Variants in SGCD observed in about 807,000 individuals in gnomAD.
SGCD encodes the protein delta-sarcoglycan.
In SGCD, 18 loss-of-function variants were observed where a neutral mutation model predicts 36.6. The observed-to-expected ratio is 0.49, with a 90% confidence interval of 0.34 to 0.73. The LOEUF (loss-of-function observed/expected upper bound fraction) is 0.73, where lower values mean the gene tolerates loss of function less well. SGCD is among the 30% of genes least tolerant of loss of function. The pLI is 0.01. For missense variants in SGCD, 387 were observed against 346.7 expected, an observed-to-expected ratio of 1.12 and a Z score of -0.92; for synonymous variants, 133 against 130.6, an observed-to-expected ratio of 1.02 and a Z score of -0.12.
At chr5:156,147,273 C>A (rs1446773093) in intron 3 of SGCD, among the ~76,000 whole-genome samples, 1 of 152,156 alleles carries the variant, frequency 6.6e-6, no homozygotes, top group Non-Finnish European at 1.5e-5. Context: ...ATATCAAACA[C>A]TGAATTCTTG....
intron 3 of SGCD, among the ~76,000 whole-genome samples, chr5:156,208,700 G>T (rs554425759): frequency 6.6e-6 from 1 of 152,082 alleles, no homozygotes; most frequent in Non-Finnish European, 1.5e-5. Flanking sequence ...TTACAATTAT[G>T]TCTTCATTAA....
intron 1 of SGCD, among the ~76,000 whole-genome samples, chr5:155,961,797 A>C (rs1757795384): frequency 6.6e-6 from 1 of 152,080 alleles, no homozygotes; most frequent in South Asian, 2.1e-4. Flanking sequence ...TTTACAGAGT[A>C]ATGCATATTT....
intron 3 of SGCD, among the ~76,000 whole-genome samples, chr5:156,206,351 G>A (rs1002935195): frequency 1.1e-4 from 16 of 151,804 alleles, no homozygotes; most frequent in Non-Finnish European, 1.6e-4. Flanking sequence ...TAATTATTGT[G>A]GACATATTTT....
the SGCD span, among the ~76,000 whole-genome samples, chr5:155,845,084 T>C: frequency 6.6e-6 from 1 of 152,160 alleles, no homozygotes; most frequent in Admixed American, 6.5e-5. Flanking sequence ...TGTCCATGTG[T>C]TCCCATTGTT....
chr5:155,757,917 T>A, the SGCD span, among the ~76,000 whole-genome samples: 1 of 152,082 alleles, frequency 6.6e-6, no homozygotes, highest in African/African-American at 2.4e-5. Flanking sequence ...GATGGTTCTA[T>A]AATGGGGAGT....
intron 6 of SGCD, among the ~76,000 whole-genome samples, chr5:156,620,778 C>T (rs545915085): frequency 6.6e-6 from 1 of 152,230 alleles, no homozygotes; most frequent in Admixed American, 6.5e-5. Context: ...CATGTATCAG[C>T]ATATAGTAAA....
chr5:156,163,544 A>T (rs1040995796), intron 3 of SGCD, among the ~76,000 whole-genome samples: 2 of 151,592 alleles, frequency 1.3e-5, no homozygotes, highest in Middle Eastern at 3.2e-3. Context: ...CTGAAACTTT[A>T]CATGGTGCTA....
chr5:156,537,961 A>T (rs1347227323), intron 4 of SGCD, among the ~76,000 whole-genome samples: 2 of 152,146 alleles, frequency 1.3e-5, no homozygotes, highest in Non-Finnish European at 2.9e-5. Context: ...TAACTAAACC[A>T]AAGATTATAT....
intron 3 of SGCD, among the ~76,000 whole-genome samples, chr5:156,174,068 T>C (rs995967268): frequency 2.0e-4 from 31 of 152,066 alleles, no homozygotes; most frequent in African/African-American, 7.2e-4. Context: ...AGTTAGGGAG[T>C]TCAGTCTTTT....
chr5:156,405,035 C>A (rs10062440), intron 3 of SGCD, among the ~76,000 whole-genome samples: 83,519 of 151,940 alleles, frequency 0.55, 23,548 homozygotes, highest in Middle Eastern at 0.67. Context: ...GAGTCACCAG[C>A]CTAATCACAT....
intron 3 of SGCD, among the ~76,000 whole-genome samples, chr5:156,471,070 C>T (rs1754940589): frequency 6.6e-6 from 1 of 152,000 alleles, no homozygotes; most frequent in Admixed American, 6.6e-5. Context: ...TCACCCATTG[C>T]TAGGCTATAG....
chr5:156,720,642 C>T (rs969699523), intron 7 of SGCD, among the ~76,000 whole-genome samples: 1 of 152,146 alleles, frequency 6.6e-6, no homozygotes, highest in African/African-American at 2.4e-5. Flanking sequence ...TGAGCAAAGG[C>T]CTGAAATCAG....
At chr5:156,574,028 A>T (rs990516947) in intron 4 of SGCD, among the ~76,000 whole-genome samples, 1 of 152,166 alleles carries the variant, frequency 6.6e-6, no homozygotes, top group Non-Finnish European at 1.5e-5. Flanking sequence ...CTGTTAGCAC[A>T]TATTGAGTCC....
At chr5:156,593,488 G>A (rs57957335) in intron 5 of SGCD, among the ~76,000 whole-genome samples, 1,832 of 152,088 alleles carry the variant, frequency 0.012, 35 homozygotes, top group East Asian at 0.049. Context: ...CCCCTATCCT[G>A]GCTAATAAGA....
Position 156,234,855 on chromosome 5 carries a change from A to G in SGCD, c.-43-94679A>G, listed in dbSNP as rs114348456. Among the ~76,000 whole-genome samples, 1,001 of 152,302 alleles carry G rather than the reference A, an allele frequency of 6.6e-3. 8 individuals carry two copies. The highest frequency in any genetic ancestry group is 0.022 in the African/African-American group (904 of 41,572). On this transcript the variant is annotated intron_variant, in intron 3 of 9. Coordinates refer to the SGCD transcript ENST00000517913. ...GGAGAGCAAAGACAAGAGATAAAGG[A>G]ACTAGGTAGGGTTGTAATCATATGA...
At chr5:156,453,963 AG>A (rs1754140560) in intron 3 of SGCD, among the ~76,000 whole-genome samples, 1 of 152,168 alleles carries the variant, frequency 6.6e-6, no homozygotes, top group African/African-American at 2.4e-5. Flanking sequence ...TGGTGATGGG[AG>A]AGAATGTATT....
chr5:156,382,562 G>T (rs1351199360), intron 3 of SGCD, among the ~76,000 whole-genome samples: 1 of 152,022 alleles, frequency 6.6e-6, no homozygotes, highest in Non-Finnish European at 1.5e-5. Context: ...AAAAATTATG[G>T]TTTTCAAGAG....
chr5:156,273,309 A>T (rs765446127), intron 3 of SGCD, among the ~76,000 whole-genome samples: 2 of 152,170 alleles, frequency 1.3e-5, no homozygotes, highest in Middle Eastern at 3.2e-3. Context: ...GTCTTTTTTC[A>T]TATAAAGAAG....
At chr5:156,581,544 A>C (rs1175332024) in intron 4 of SGCD, among the ~76,000 whole-genome samples, 1 of 152,186 alleles carries the variant, frequency 6.6e-6, no homozygotes, top group African/African-American at 2.4e-5. Flanking sequence ...CTACAGAGGC[A>C]GCAGGCCTGG....
Sources: allele counts gnomAD v4.1 joint callset (sites outside exome capture counted in the v4.1 genomes callset), GRCh38; gene constraint gnomAD v4.1.1; transcripts MANE v1.5; gene names NCBI Gene and HGNC (gene_info 2026-07-23, HGNC 2026-07-21).